The following ASAP1 variants were observed in gnomAD, a reference collection of about 807,000 sequenced individuals.
The protein encoded by ASAP1 is ArfGAP with SH3 domain, ankyrin repeat and PH domain 1.
A neutral mutation model predicts 145.2 loss-of-function variants in ASAP1; 43 were observed. The ratio of observed to expected loss-of-function variants is 0.30; its 90% CI spans 0.23 to 0.38. The LOEUF is 0.38. Among genes scored for constraint, ASAP1 ranks in the 10% least tolerant of loss-of-function variants. The pLI, the probability that ASAP1 is intolerant of heterozygous loss-of-function variation, is 1.00. For synonymous variants in ASAP1, 546 were observed against 515.5 expected (o/e 1.06, Z -0.80); for missense variants, 1,018 against 1,355.3 (o/e 0.75, Z 3.91).
intron 18 of ASAP1, among the ~76,000 whole-genome samples, chr8:130,120,506 T>A (rs2097564096): frequency 6.6e-6 from 1 of 152,078 alleles, no homozygotes; most frequent in Non-Finnish European, 1.5e-5. Context: ...ATGTTAGGGG[T>A]TCATTTGAAA....
intron 1 of ASAP1, among the ~76,000 whole-genome samples, chr8:130,417,453 T>C (rs750818696): frequency 2.0e-5 from 3 of 152,188 alleles, no homozygotes; most frequent in Non-Finnish European, 4.4e-5. Context: ...TGGAAGCAGT[T>C]TTCTTGGCTC....
At chr8:130,232,154 T>C (rs1273454605) in intron 4 of ASAP1, among the ~76,000 whole-genome samples, 1 of 152,194 alleles carries the variant, frequency 6.6e-6, no homozygotes, top group African/African-American at 2.4e-5. Flanking sequence ...TGGACTGGCC[T>C]TGGAAATCAC....
chr8:130,098,240 C>A (rs957222494), intron 24 of ASAP1, among the ~76,000 whole-genome samples: 1 of 152,200 alleles, frequency 6.6e-6, no homozygotes, highest in Non-Finnish European at 1.5e-5. Context: ...AGACTCTCAG[C>A]CTTGACAACA....
chr8:130,169,394 C>G (rs1052469255), intron 9 of ASAP1, among the ~76,000 whole-genome samples: 3 of 152,174 alleles, frequency 2.0e-5, no homozygotes, highest in African/African-American at 7.2e-5. Flanking sequence ...TAGAACAGTT[C>G]TTCCCAGTTA....
intron 3 of ASAP1, among the ~76,000 whole-genome samples, chr8:130,300,604 T>C (rs1370320712): frequency 1.3e-5 from 2 of 152,232 alleles, no homozygotes; most frequent in South Asian, 2.1e-4. Context: ...ACAGCCAAGG[T>C]AGAGAACCAC....
At chr8:130,239,611 T>C (rs1159967934) in intron 3 of ASAP1, among the ~76,000 whole-genome samples, 9 of 152,146 alleles carry the variant, frequency 5.9e-5, no homozygotes, top group Admixed American at 5.9e-4. Flanking sequence ...ACCTGAGTTT[T>C]AAAAATATAT....
chr8:130,376,798 G>A (rs991367360), intron 2 of ASAP1, among the ~76,000 whole-genome samples: 2 of 150,854 alleles, frequency 1.3e-5, no homozygotes, highest in South Asian at 2.1e-4. Flanking sequence ...ACATACTTGG[G>A]AGGCTGAGGC....
chr8:130,106,841 T>TC (rs963466106), intron 24 of ASAP1, among the ~76,000 whole-genome samples: 11 of 152,220 alleles, frequency 7.2e-5, no homozygotes, highest in African/African-American at 2.7e-4. Flanking sequence ...CCAGGAATAC[T>TC]CCCTAGTGGC....
At chr8:130,185,198 A>C (rs1814634674) in intron 7 of ASAP1, among the ~76,000 whole-genome samples, 4 of 152,292 alleles carry the variant, frequency 2.6e-5, no homozygotes, top group Middle Eastern at 6.8e-3. Flanking sequence ...TCTCAGGAAA[A>C]TTGTTGACAG....
intron 3 of ASAP1, chr8:130,340,890 CATT>C (rs1825334855): frequency 2.2e-6 from 1 of 455,992 alleles, no homozygotes; most frequent in East Asian, 6.9e-5. Context: ...GCTGACCAAT[CATT>C]GCGATGAATG....
intron 3 of ASAP1, among the ~76,000 whole-genome samples, chr8:130,329,923 T>G (rs1380705882): frequency 6.6e-6 from 1 of 152,170 alleles, no homozygotes; most frequent in Non-Finnish European, 1.5e-5. Context: ...AGTCAACACA[T>G]CCAGCAGCCC....
chr8:130,292,259 T>C (rs921448496), intron 3 of ASAP1, among the ~76,000 whole-genome samples: 2 of 152,194 alleles, frequency 1.3e-5, no homozygotes, highest in Non-Finnish European at 2.9e-5. Flanking sequence ...GGGGCTACAA[T>C]GGTGAAGAAG....
At chr8:130,308,480 TGTA>T (rs752304770) in intron 3 of ASAP1, among the ~76,000 whole-genome samples, 1 of 152,236 alleles carries the variant, frequency 6.6e-6, no homozygotes, top group Non-Finnish European at 1.5e-5. Flanking sequence ...TTAAAATAAT[TGTA>T]GTATCTTAAG....
chr8:130,114,769 ATTTTTTT>A (rs60433249), intron 23 of ASAP1, among the ~76,000 whole-genome samples: 1 of 134,926 alleles, frequency 7.4e-6, no homozygotes, highest in East Asian at 2.1e-4. Context: ...TTGAAGGTTA[ATTTTTTT>A]TTTTTTTTTT....
chr8:130,394,911 C>T (rs541998431), intron 2 of ASAP1, among the ~76,000 whole-genome samples: 7 of 152,296 alleles, frequency 4.6e-5, no homozygotes, highest in Non-Finnish European at 1.0e-4. Context: ...CTCACATGAC[C>T]AGCAAACAGC....
At chr8:130,259,732 C>T (rs16904228) in intron 3 of ASAP1, among the ~76,000 whole-genome samples, 13,431 of 152,106 alleles carry the variant, frequency 0.088, 743 homozygotes, top group African/African-American at 0.15. Flanking sequence ...CAGGAAGGGG[C>T]GACAGTGTGT....
At chr8:130,317,013 C>T (rs150082789) in intron 3 of ASAP1, among the ~76,000 whole-genome samples, 17 of 151,982 alleles carry the variant, frequency 1.1e-4, no homozygotes, top group African/African-American at 4.1e-4. Flanking sequence ...GTTGAATGTT[C>T]CAGGCCCTAC....
chr8:130,151,370 C>CAAAAAAAA lies in ASAP1; in HGVS notation c.1080+1358_1080+1365dup, dbSNP rs58367856. On this transcript the variant is annotated intron_variant, in intron 13 of 29. Transcript: ENST00000518721. ...TGGGTGAAAGAGCGAGACTCAGTCT[C>CAAAAAAAA]AAAAAAAAAAAAAAAAAAAAAAAAA... Among the ~76,000 whole-genome samples, 66 of 62,848 alleles carry CAAAAAAAA rather than the reference C, an allele frequency of 1.1e-3. 3 individuals are homozygous for CAAAAAAAA. The highest frequency in any genetic ancestry group is 1.2e-3 in the African/African-American group (22 of 18,106). The allele number at this position is 62,848 out of a possible 152,430, so 41.2% of individuals were successfully genotyped here. A position where few individuals can be genotyped will look rare whatever the true frequency, so the allele number is the denominator to read the frequency against.
At chr8:130,219,856 C>T (rs769275068) in intron 4 of ASAP1, among the ~76,000 whole-genome samples, 14 of 152,236 alleles carry the variant, frequency 9.2e-5, no homozygotes, top group African/African-American at 2.7e-4. Flanking sequence ...GTGGCATGAA[C>T]ATGGCTCACT....
Sources: allele counts gnomAD v4.1 joint callset (sites outside exome capture counted in the v4.1 genomes callset), GRCh38; gene constraint gnomAD v4.1.1; transcripts MANE v1.5; gene names NCBI Gene and HGNC (gene_info 2026-07-23, HGNC 2026-07-21).